ZC3H12B: variants seen among roughly 807,000 people sequenced by gnomAD.
The protein encoded by ZC3H12B is probable ribonuclease ZC3H12B.
A neutral mutation model predicts 43.9 loss-of-function variants in ZC3H12B; 7 were observed. That is an observed-to-expected ratio of 0.16 (90% CI 0.09 to 0.30). ZC3H12B has a LOEUF of 0.30. ZC3H12B is among the 10% of genes least tolerant of loss of function. The probability of loss-of-function intolerance (pLI) is 1.00; values close to 1 mark genes in which losing one functional copy is unlikely to be tolerated. For missense variants in ZC3H12B, 475 were observed against 670.2 expected, an observed-to-expected ratio of 0.71 and a Z score of 3.22; for synonymous variants, 222 against 241.7, an observed-to-expected ratio of 0.92 and a Z score of 0.76.
At chrX:65,254,575 C>T in the ZC3H12B span, among the ~76,000 whole-genome samples, 3 of 112,208 alleles carry the variant, frequency 2.7e-5, no homozygotes, top group East Asian at 8.4e-4. Context: ...AAGATAGCAA[C>T]TTCAAAGATT....
the ZC3H12B span, among the ~76,000 whole-genome samples, chrX:65,189,199 T>A: frequency 9.5e-6 from 1 of 105,538 alleles, no homozygotes; most frequent in African/African-American, 3.6e-5. Flanking sequence ...TCTATCATTG[T>A]TGGACATGTG....
intron 3 of ZC3H12B, among the ~76,000 whole-genome samples, chrX:65,475,808 A>G (rs2067984711): frequency 8.9e-6 from 1 of 111,884 alleles, no homozygotes; most frequent in African/African-American, 3.3e-5. Flanking sequence ...AGATCTCCTG[A>G]GACTTATTCA....
At chrX:65,342,048 A>G in the ZC3H12B span, among the ~76,000 whole-genome samples, 2 of 111,202 alleles carry the variant, frequency 1.8e-5, no homozygotes, top group Non-Finnish European at 3.8e-5. Context: ...AACACAGGCT[A>G]AAAATAAAGG....
chrX:65,213,093 C>T, the ZC3H12B span, among the ~76,000 whole-genome samples: 1 of 108,495 alleles, frequency 9.2e-6, no homozygotes, highest in Non-Finnish European at 1.9e-5. Context: ...ATACTGTATT[C>T]TTATGTGTGA....
the ZC3H12B span, among the ~76,000 whole-genome samples, chrX:65,122,030 G>C: frequency 1.8e-5 from 2 of 111,067 alleles, no homozygotes; most frequent in Non-Finnish European, 3.8e-5. Context: ...TATAATTTCT[G>C]TTCTTTTGCA....
chrX:65,035,445 G>T, the ZC3H12B span, among the ~76,000 whole-genome samples: 7 of 112,055 alleles, frequency 6.2e-5, no homozygotes, highest in Non-Finnish European at 1.1e-4. Flanking sequence ...ACCACTTTTT[G>T]GTCTCAACCC....
the ZC3H12B span, among the ~76,000 whole-genome samples, chrX:65,118,608 G>C: frequency 4.5e-5 from 5 of 111,069 alleles, no homozygotes; most frequent in African/African-American, 1.6e-4. Context: ...TGTTGAATAA[G>C]AGTGGTGAGA....
the ZC3H12B span, among the ~76,000 whole-genome samples, chrX:65,299,019 T>A: frequency 3.6e-5 from 4 of 111,625 alleles, no homozygotes; most frequent in Non-Finnish European, 5.6e-5. Context: ...GTCTCTCCCT[T>A]GACACGTGGG....
the ZC3H12B span, among the ~76,000 whole-genome samples, chrX:65,300,922 C>G: frequency 1.8e-5 from 2 of 109,454 alleles, no homozygotes; most frequent in Non-Finnish European, 3.8e-5. Flanking sequence ...AAAAACTTTG[C>G]GAACCATGCA....
chrX:65,222,801 T>G, the ZC3H12B span, among the ~76,000 whole-genome samples: 1 of 110,030 alleles, frequency 9.1e-6, no homozygotes, highest in African/African-American at 3.3e-5. Context: ...AAAATGACCA[T>G]ACTGCCAAAG....
chrX:65,134,395 C>G, the ZC3H12B span, among the ~76,000 whole-genome samples: 2 of 111,686 alleles, frequency 1.8e-5, no homozygotes, highest in African/African-American at 6.5e-5. Flanking sequence ...ACTGTCTTCC[C>G]TAGTCCGTGA....
At chrX:65,370,694 G>A (rs1227387580) in intron 2 of ZC3H12B, among the ~76,000 whole-genome samples, 1 of 111,731 alleles carries the variant, frequency 9.0e-6, no homozygotes, top group East Asian at 2.8e-4. Flanking sequence ...CAATCTACTG[G>A]CAGGAAGGTA....
chrX:65,162,398 T>G, the ZC3H12B span, among the ~76,000 whole-genome samples: 9 of 112,140 alleles, frequency 8.0e-5, no homozygotes, highest in Non-Finnish European at 1.5e-4. Flanking sequence ...TCACTTTCAG[T>G]TACACCAATC....
chrX:65,192,934 C>T, the ZC3H12B span, among the ~76,000 whole-genome samples: 2 of 110,061 alleles, frequency 1.8e-5, no homozygotes, highest in African/African-American at 3.3e-5. Context: ...CCACCACCCC[C>T]AGCTAATTTT....
At chrX:65,289,895 T>C in the ZC3H12B span, among the ~76,000 whole-genome samples, 1 of 110,759 alleles carries the variant, frequency 9.0e-6, no homozygotes, top group East Asian at 2.8e-4. Context: ...AGAAAACAGA[T>C]AAAATTGTCC....
the ZC3H12B span, among the ~76,000 whole-genome samples, chrX:65,336,915 C>T: frequency 8.9e-6 from 1 of 112,097 alleles, no homozygotes; most frequent in African/African-American, 3.2e-5. Context: ...GCAAATTAAT[C>T]CAAAAAGAAT....
chrX:65,460,355 C>T (rs1237010121), intron 3 of ZC3H12B, among the ~76,000 whole-genome samples: 5 of 111,944 alleles, frequency 4.5e-5, no homozygotes, highest in African/African-American at 1.6e-4. Context: ...TTGGAAAAAG[C>T]TACTTTAAAG....
chrX:65,165,129 C>T, the ZC3H12B span, among the ~76,000 whole-genome samples: 21 of 111,809 alleles, frequency 1.9e-4, no homozygotes, highest in Middle Eastern at 4.6e-3. Context: ...ATCAATAAAT[C>T]ATTAGTAACT....
rs781040192 is a variant in ZC3H12B at position 65,503,152 on chromosome X, A to G, written c.2454A>G (p.Thr818=). ...CAGTGATGGAGAAGAATCCCCACAC[A>G]GCAGATGCCCAGCAACTGGCAGCCT... Residue 818 remains threonine, a synonymous_variant, in exon 5 of 5, where the codon ACA becomes ACG. Coordinates refer to ENST00000338957, the Ensembl canonical transcript of ZC3H12B. 2.5e-6 allele frequency: 3 copies of G among 1,209,188 alleles called. No homozygotes were observed. The African/African-American group carries it at 5.3e-5, about 21-fold the overall frequency.
Sources: allele counts gnomAD v4.1 joint callset (sites outside exome capture counted in the v4.1 genomes callset), GRCh38; gene constraint gnomAD v4.1.1; transcripts MANE v1.5; gene names NCBI Gene and HGNC (gene_info 2026-07-23, HGNC 2026-07-21).